DENND3: variants seen among roughly 807,000 people sequenced by gnomAD.
DENND3 encodes the protein DENN domain-containing protein 3.
A neutral mutation model predicts 135.1 loss-of-function variants in DENND3; 88 were observed. That is an observed-to-expected ratio of 0.65 (90% CI 0.55 to 0.78). DENND3 has a LOEUF of 0.78. Among genes scored for constraint, DENND3 ranks in the 30% least tolerant of loss-of-function variants. The pLI is 0.00. For synonymous variants in DENND3, 693 were observed against 712.3 expected, an observed-to-expected ratio of 0.97 and a Z score of 0.43; for missense variants, 1,392 against 1,688.4, an observed-to-expected ratio of 0.82 and a Z score of 3.08.
chr8:141,185,511 A>C, intron 18 of DENND3: 2 of 490,814 alleles, frequency 4.1e-6, no homozygotes, highest in Non-Finnish European at 7.1e-6. Context: ...TGACTTTCTC[A>C]TCTAAAAACA....
chr8:141,134,155 T>C (rs1816488427), intron 1 of DENND3, among the ~76,000 whole-genome samples: 1 of 152,046 alleles, frequency 6.6e-6, no homozygotes. Context: ...GCACCATTAG[T>C]TGGGTCAGAA....
chr8:141,182,896 G>A lies in DENND3; in HGVS notation c.2944+2042G>A, dbSNP rs1823347213. Among the ~76,000 whole-genome samples the A allele has an allele frequency of 6.6e-6, 1 of 152,236 alleles. No homozygotes were observed. The highest frequency in any genetic ancestry group is 1.5e-5 in the Non-Finnish European group (1 of 68,040). ...GAGCGTGCCTCTCAGAGACGGCAGT[G>A]TCTCACCCATGGGAGCAACAGACCA... On this transcript the variant is annotated intron_variant, in intron 17 of 22. Coordinates refer to ENST00000519811, the MANE Select transcript of DENND3 (RefSeq NM_001352890.3). The surrounding 1 kb of genome is among the most constrained non-coding windows in gnomAD (Gnocchi z 5.9).
intron 10 of DENND3, among the ~76,000 whole-genome samples, chr8:141,164,808 C>T (rs1671229815): frequency 6.6e-6 from 1 of 152,240 alleles, no homozygotes; most frequent in Admixed American, 6.5e-5. Flanking sequence ...AGCCACGAGC[C>T]TGCCTCTCGT....
At chr8:141,164,990 G>A (rs1478171186) in intron 10 of DENND3, among the ~76,000 whole-genome samples, 196 bp from the exon 11 acceptor site, 2 of 152,238 alleles carry the variant, frequency 1.3e-5, no homozygotes, top group African/African-American at 2.4e-5. Flanking sequence ...GGGACCCAGT[G>A]TGTGAATGTA....
rs1821597261 is a variant in DENND3, at chr8:141,171,752, A to G, written c.2275+3227A>G. Among the ~76,000 whole-genome samples, 4 of 150,806 alleles carry G rather than the reference A, an allele frequency of 2.7e-5. No homozygotes were observed. The South Asian group carries it at 8.4e-4, about 32-fold the overall frequency. ...GGCTGTGGGTGTGCGTAGTAGCCAT[A>G]GGTGTGCACAGCGGCCATGGGTGTG... On this transcript the variant is annotated intron_variant, in intron 13 of 22. Transcript: ENST00000519811.
chr8:141,154,235 C>T lies in DENND3; in HGVS notation c.1075-1614C>T, dbSNP rs1421065992. Among the ~76,000 whole-genome samples the T allele has an allele frequency of 4.6e-5, 7 of 152,272 alleles. No individual in the cohort carries two copies. The highest frequency in any genetic ancestry group is 3.3e-4 in the Admixed American group (5 of 15,288). ...GGCCTTCCCCAGGAACCTGGCATTG[C>T]ATTCCGGGGCTGTTGAAGTGCAGGG... On this transcript the variant is annotated intron_variant, in intron 7 of 22. Transcript: ENST00000519811. The surrounding 1 kb of genome is among the most constrained non-coding windows in gnomAD (Gnocchi z 4.4).
intron 10 of DENND3, among the ~76,000 whole-genome samples, chr8:141,164,183 G>A (rs1311777624): frequency 1.3e-5 from 2 of 152,126 alleles, no homozygotes; most frequent in Admixed American, 6.5e-5. Context: ...CTCCTGCCTC[G>A]GACCGAGCTG....
At chr8:141,183,453 T>G (rs1823447191) in intron 17 of DENND3, among the ~76,000 whole-genome samples, 1 of 150,386 alleles carries the variant, frequency 6.6e-6, no homozygotes, top group Non-Finnish European at 1.5e-5. Flanking sequence ...GATGGAGTTT[T>G]GCCGTATTGC....
At chr8:141,150,748 C>A in intron 5 of DENND3, 86 bp from the exon 6 acceptor site, 1 of 1,454,800 alleles carries the variant, frequency 6.9e-7, no homozygotes. Context: ...CTCTGATGCC[C>A]TGGGCACCGA....
intron 8 of DENND3, chr8:141,158,049 C>G (rs148241435): frequency 1.7e-6 from 2 of 1,193,804 alleles, no homozygotes; most frequent in African/African-American, 1.6e-5. Flanking sequence ...CGTGAGCCAC[C>G]GCGCCCAGTC....
intron 9 of DENND3, among the ~76,000 whole-genome samples, chr8:141,161,296 T>C (rs750577511): frequency 6.6e-5 from 10 of 152,220 alleles, no homozygotes; most frequent in Non-Finnish European, 1.2e-4. Flanking sequence ...AGCTAGATCA[T>C]GAAACCATCT....
rs1216301102 is a variant in DENND3, at chr8:141,163,448, G to T, written c.1449+19G>T. On this transcript the variant is annotated intron_variant, in intron 10 of 22. Coordinates refer to ENST00000519811, the MANE Select transcript of DENND3 (RefSeq NM_001352890.3). ...TAAGCAGGTGAGAGCTGTGGGATTT[G>T]GGTGTGCCTGTGTGTGTTCAATCCA... 2.0e-6 allele frequency: 3 copies of T among 1,516,320 alleles called. No individual in the cohort carries two copies. In the African/African-American group the frequency reaches 4.1e-5, roughly 21 times the overall value. The allele number at this position is 1,516,320 out of a possible 1,614,324, so 93.9% of individuals were successfully genotyped here.
rs189884800 is a variant in DENND3, at chr8:141,155,188, G to A, written c.1075-661G>A. Among the ~76,000 whole-genome samples the A allele has an allele frequency of 2.6e-3, 393 of 152,202 alleles. 1 individual carries two copies. The highest frequency in any genetic ancestry group is 9.2e-3 in the African/African-American group (381 of 41,524). On this transcript the variant is annotated intron_variant, in intron 7 of 22. Transcript: ENST00000519811. Reference sequence around the variant, plus strand: ...GATGAAAACATTCTGGGGATGGCTGGGGGAGATGCTTGCACAACCACTCGA... The same window carrying A: ...GATGAAAACATTCTGGGGATGGCTGAGGGAGATGCTTGCACAACCACTCGA...
intron 17 of DENND3, among the ~76,000 whole-genome samples, chr8:141,183,041 C>G (rs1056588550): frequency 6.6e-6 from 1 of 152,230 alleles, no homozygotes; most frequent in Non-Finnish European, 1.5e-5. Context: ...CTCGCCCCTT[C>G]ACACTGCCCT....
At chr8:141,147,234 T>C (rs982926094) in intron 5 of DENND3, among the ~76,000 whole-genome samples, 3 of 152,232 alleles carry the variant, frequency 2.0e-5, no homozygotes, top group Non-Finnish European at 4.4e-5. Context: ...GCTGCGTGAC[T>C]TGGGGACCAC....
At chr8:141,172,392 G>A (rs1291117492) in intron 13 of DENND3, among the ~76,000 whole-genome samples, 1 of 152,142 alleles carries the variant, frequency 6.6e-6, no homozygotes, top group Non-Finnish European at 1.5e-5. Flanking sequence ...GGACTTCTTT[G>A]GTGTTGCTGC....
chr8:141,150,243 C>T (rs1818627114), intron 5 of DENND3: 5 of 1,093,798 alleles, frequency 4.6e-6, no homozygotes, highest in African/African-American at 1.7e-5. Context: ...AGCCCTCCCT[C>T]AGTGAAGGAA....
At chr8:141,170,938 G>C (rs1202693909) in intron 13 of DENND3, among the ~76,000 whole-genome samples, 1 of 151,902 alleles carries the variant, frequency 6.6e-6, no homozygotes, top group Non-Finnish European at 1.5e-5. Context: ...CCCCACCCCC[G>C]CCACACAGTG....
rs925448424 is a variant in DENND3, at chr8:141,130,767, A to G, written c.102+1958A>G. Among the ~76,000 whole-genome samples the G allele has an allele frequency of 6.6e-6, 1 of 151,532 alleles. No homozygotes were observed. Among genetic ancestry groups the G allele is most frequent in the Non-Finnish European group, 1.5e-5 (1 of 67,930 alleles). The stretch of plus-strand genomic sequence containing the variant: ...CATGGTGCAATCTCGGCTCACTGCA[A>G]TCTCCGCCTCCTGAGTTCAAGCAAT... On this transcript the variant is annotated intron_variant, in intron 1 of 22. Coordinates refer to ENST00000519811, the MANE Select transcript of DENND3 (RefSeq NM_001352890.3). The surrounding 1 kb of genome is among the most constrained non-coding windows in gnomAD (Gnocchi z 4.2).
Sources: allele counts gnomAD v4.1 joint callset (sites outside exome capture counted in the v4.1 genomes callset), GRCh38; gene constraint gnomAD v4.1.1; non-coding constraint Gnocchi (gnomAD v3.1); transcripts MANE v1.5; gene names NCBI Gene and HGNC (gene_info 2026-07-23, HGNC 2026-07-21).